The following RANBP17 variants were observed in gnomAD, a reference collection of about 807,000 sequenced individuals.
RANBP17 encodes the protein ran-binding protein 17.
In RANBP17, 158 loss-of-function variants were observed where a neutral mutation model predicts 141.2. That is an observed-to-expected ratio of 1.12 (90% CI 0.98 to 1.28). The LOEUF (loss-of-function observed/expected upper bound fraction) is 1.28. Ranked by LOEUF, RANBP17 falls within the 50% of genes most tolerant of loss-of-function variation. The pLI is 0.00. For missense variants in RANBP17, 1,438 were observed against 1,290.7 expected (o/e 1.11, Z -1.75); for synonymous variants, 430 against 450.0 (o/e 0.96, Z 0.56).
intron 12 of RANBP17, among the ~76,000 whole-genome samples, chr5:170,931,306 T>C (rs138029885): frequency 0.03 from 4,606 of 152,328 alleles, 232 homozygotes; most frequent in African/African-American, 0.1. Context: ...AGATTCTGGA[T>C]ATTAGCCTTT....
chr5:171,290,019 G>A (rs200748994), intron 25 of RANBP17, among the ~76,000 whole-genome samples: 13,223 of 152,014 alleles, frequency 0.087, 788 homozygotes, highest in East Asian at 0.2. Context: ...GATAGTGACA[G>A]GTGAAATCCT....
At chr5:171,263,953 T>G (rs1358256726) in intron 24 of RANBP17, among the ~76,000 whole-genome samples, 2 of 152,034 alleles carry the variant, frequency 1.3e-5, no homozygotes, top group African/African-American at 4.8e-5. Flanking sequence ...TCCTAGCTAC[T>G]TGGGAGGCTG....
intron 14 of RANBP17, among the ~76,000 whole-genome samples, chr5:170,989,896 TA>T (rs1778390041): frequency 6.6e-6 from 1 of 151,768 alleles, no homozygotes; most frequent in Non-Finnish European, 1.5e-5. Context: ...CAATGAAAGC[TA>T]AAGTATTAGC....
intron 14 of RANBP17, among the ~76,000 whole-genome samples, chr5:171,077,210 G>A (rs1451620081): frequency 5.3e-5 from 8 of 151,940 alleles, no homozygotes; most frequent in Admixed American, 5.2e-4. Flanking sequence ...TGTGGTGGCG[G>A]GCGCCTGTAG....
chr5:170,924,343 T>A lies in RANBP17; in HGVS notation c.1275-14T>A. 6.6e-7 allele frequency: 1 copy of A among 1,525,668 alleles called. No individual in the cohort carries two copies. The highest frequency in any genetic ancestry group is 9.0e-7 in the Non-Finnish European group (1 of 1,115,416). The allele number at this position is 1,525,668 out of a possible 1,614,324, so 94.5% of individuals were successfully genotyped here. On this transcript the variant is annotated splice_polypyrimidine_tract_variant and intron_variant, in intron 11 of 27. Transcript: ENST00000523189. Reference sequence around the variant, plus strand: ...CATTCTAATGTTGTCTGCAAACTTATTCTGTGTTTGCAGAGATCACTTAGA... The same window carrying A: ...CATTCTAATGTTGTCTGCAAACTTAATCTGTGTTTGCAGAGATCACTTAGA...
intron 16 of RANBP17, among the ~76,000 whole-genome samples, chr5:171,178,490 T>C (rs866936839): frequency 3.0e-4 from 46 of 152,282 alleles, no homozygotes; most frequent in African/African-American, 1.1e-3. Context: ...TACGCGTGCA[T>C]GTGTCTTCAT....
intron 18 of RANBP17, among the ~76,000 whole-genome samples, chr5:171,189,304 G>A (rs1761474812): frequency 6.6e-6 from 1 of 152,140 alleles, no homozygotes; most frequent in African/African-American, 2.4e-5. Flanking sequence ...ATAATGAAAT[G>A]TATGTGATAA....
chr5:171,243,100 C>T (rs1764991463), intron 24 of RANBP17: 1 of 352,972 alleles, frequency 2.8e-6, no homozygotes, highest in Non-Finnish European at 5.1e-6. Context: ...CAAATGTGTA[C>T]ATGTACACAA....
At chr5:171,100,236 G>A (rs1276663957) in intron 14 of RANBP17, among the ~76,000 whole-genome samples, 1 of 152,020 alleles carries the variant, frequency 6.6e-6, no homozygotes, top group Non-Finnish European at 1.5e-5. Context: ...TCTGGTCCTG[G>A]GCTTTTTTTG....
chr5:171,101,897 T>C (rs891854152), intron 14 of RANBP17, among the ~76,000 whole-genome samples: 2 of 152,234 alleles, frequency 1.3e-5, no homozygotes, highest in African/African-American at 2.4e-5. Context: ...AAAATTCTTT[T>C]CTTGAAGAAT....
intron 14 of RANBP17, among the ~76,000 whole-genome samples, chr5:170,970,064 T>A (rs1263685362): frequency 6.6e-6 from 1 of 152,022 alleles, no homozygotes; most frequent in Non-Finnish European, 1.5e-5. Context: ...CTCTCCTAGG[T>A]ACTCTTCATG....
At chr5:171,088,617 G>T (rs1301677727) in intron 14 of RANBP17, among the ~76,000 whole-genome samples, 9 of 152,072 alleles carry the variant, frequency 5.9e-5, no homozygotes, top group Non-Finnish European at 1.0e-4. Context: ...ACGTAGATTT[G>T]GTCTTTTCAC....
chr5:171,049,009 C>G (rs1384335751), intron 14 of RANBP17, among the ~76,000 whole-genome samples: 1 of 152,090 alleles, frequency 6.6e-6, no homozygotes, highest in Non-Finnish European at 1.5e-5. Context: ...AATGGGATTG[C>G]TGGGTGGAAT....
rs1776121564 is a variant in RANBP17 at position 170,961,090 on chromosome 5, A to ACG, written c.1575-7151_1575-7150insGC. 1.5e-4 allele frequency among the ~76,000 whole-genome samples: 14 copies of ACG among 91,334 alleles called. No homozygotes were observed. The South Asian group carries it at 0.014, about 94-fold the overall frequency. The allele number at this position is 91,334 out of a possible 152,430, so 59.9% of individuals were successfully genotyped here. On this transcript the variant is annotated intron_variant, in intron 13 of 27. Transcript: ENST00000523189. Reference sequence around the variant, plus strand: ...TACACATGCTTTCCTTTTTGTCGCAACACTATGGCTTTGCCTTGTTCGTCC... The same window carrying ACG: ...TACACATGCTTTCCTTTTTGTCGCAACGCACTATGGCTTTGCCTTGTTCGTCC...
chr5:170,979,782 G>A (rs1251763470), intron 14 of RANBP17, among the ~76,000 whole-genome samples: 3 of 152,188 alleles, frequency 2.0e-5, no homozygotes, highest in Non-Finnish European at 4.4e-5. Context: ...TTTCAGGTAT[G>A]TCTTTATCAG....
intron 14 of RANBP17, among the ~76,000 whole-genome samples, chr5:171,140,838 A>G (rs1471187056): frequency 6.6e-6 from 1 of 152,180 alleles, no homozygotes; most frequent in Non-Finnish European, 1.5e-5. Context: ...CTCTTACATT[A>G]CTGTGAAGGG....
rs561363911 is a variant in RANBP17, at chr5:171,188,474, A to G, written c.2038+5044A>G. Among the ~76,000 whole-genome samples the G allele has an allele frequency of 9.6e-4, 146 of 152,350 alleles. 1 individual carries two copies. The highest frequency in any genetic ancestry group is 3.3e-3 in the African/African-American group (139 of 41,590). On this transcript the variant is annotated intron_variant, in intron 18 of 27. Transcript: ENST00000523189. The stretch of plus-strand genomic sequence containing the variant: ...ATCAGGCATACTGGGTCCTGGCCTC[A>G]AGGAGCTTGTCTTCTTGCTTTCCCA...
intron 14 of RANBP17, among the ~76,000 whole-genome samples, chr5:171,053,913 A>G (rs1783154096): frequency 7.8e-6 from 1 of 128,326 alleles, no homozygotes; most frequent in Non-Finnish European, 1.6e-5. Flanking sequence ...ATATATATAT[A>G]TATATATATA....
At chr5:170,899,518 C>G (rs968988074) in intron 5 of RANBP17, among the ~76,000 whole-genome samples, 1 of 152,180 alleles carries the variant, frequency 6.6e-6, no homozygotes, top group Non-Finnish European at 1.5e-5. Flanking sequence ...ATTTCTTTCT[C>G]TTGCCTGATT....
Sources: allele counts gnomAD v4.1 joint callset (sites outside exome capture counted in the v4.1 genomes callset), GRCh38; gene constraint gnomAD v4.1.1; transcripts MANE v1.5; gene names NCBI Gene and HGNC (gene_info 2026-07-23, HGNC 2026-07-21).